The following BCL2 variants were observed in gnomAD, a reference collection of about 807,000 sequenced individuals.
BCL2 encodes apoptosis regulator Bcl-2.
Under a neutral mutation model 14.2 loss-of-function variants are expected in BCL2, and 1 was observed. The observed-to-expected ratio is 0.07, with a 90% CI of 0.02 to 0.33. The LOEUF (loss-of-function observed/expected upper bound fraction) is 0.33, where lower values mean the gene tolerates loss of function less well. Ranked by LOEUF, BCL2 falls within the 10% of genes least tolerant of loss-of-function variation. The probability of loss-of-function intolerance (pLI) is 0.99; values close to 1 mark genes in which losing one functional copy is unlikely to be tolerated. For missense variants in BCL2, 247 were observed against 305.9 expected, an observed-to-expected ratio of 0.81 and a Z score of 1.44; for synonymous variants, 151 against 137.2, an observed-to-expected ratio of 1.10 and a Z score of -0.70.
rs1163112806 is a variant in BCL2 at position 63,254,554 on chromosome 18, TA to T, written c.585+63527del. The stretch of plus-strand genomic sequence containing the variant: ...TGGGCAACAGAGCAAGACCCTGCCT[TA>T]AAAAAAAAAAATGGAATTCCTTCTT... On this transcript the variant is annotated intron_variant, in intron 2 of 2. Transcript: ENST00000333681. Among the ~76,000 whole-genome samples the T allele has an allele frequency of 8.7e-3, 1,269 of 145,902 alleles. 17 individuals carry two copies. Among genetic ancestry groups the T allele is most frequent in the African/African-American group, 0.025 (1,013 of 39,976 alleles).
intron 2 of BCL2, chr18:63,302,841 G>C: frequency 1.0e-6 from 1 of 985,310 alleles, no homozygotes; most frequent in Non-Finnish European, 1.2e-6. Flanking sequence ...AATAACACAA[G>C]GGCATCCTGT....
chr18:63,266,675 A>G (rs78335519), intron 2 of BCL2, among the ~76,000 whole-genome samples: 1 of 151,028 alleles, frequency 6.6e-6, no homozygotes, highest in Non-Finnish European at 1.5e-5. Flanking sequence ...ATATATTTAT[A>G]CTACATACAA....
At chr18:63,300,009 A>C (rs577343984) in intron 2 of BCL2, among the ~76,000 whole-genome samples, 1 of 152,284 alleles carries the variant, frequency 6.6e-6, no homozygotes, top group African/African-American at 2.4e-5. Context: ...GGCACAAAGA[A>C]TGTGGAACAA....
intron 2 of BCL2, among the ~76,000 whole-genome samples, chr18:63,300,014 G>T (rs1317276305): frequency 2.0e-5 from 3 of 152,070 alleles, no homozygotes; most frequent in African/African-American, 4.8e-5. Flanking sequence ...AAAGAATGTG[G>T]AACAAACAAA....
intron 2 of BCL2, among the ~76,000 whole-genome samples, chr18:63,305,650 A>C (rs1342916755): frequency 6.6e-6 from 1 of 152,216 alleles, no homozygotes; most frequent in African/African-American, 2.4e-5. Flanking sequence ...ACTGCCTTTC[A>C]TAATTGAATT....
At chr18:63,190,604 C>T (rs1196164678) in intron 2 of BCL2, among the ~76,000 whole-genome samples, 3 of 152,220 alleles carry the variant, frequency 2.0e-5, no homozygotes, top group Admixed American at 6.5e-5. Context: ...AGGGATTCTC[C>T]CTTCCTGAGG....
chr18:63,210,098 C>G (rs1909958736), intron 2 of BCL2, among the ~76,000 whole-genome samples: 1 of 152,120 alleles, frequency 6.6e-6, no homozygotes, highest in Non-Finnish European at 1.5e-5. Context: ...CTTGAGGAAG[C>G]TAAAGACATG....
At chr18:63,219,650 A>G (rs574743826) in intron 2 of BCL2, among the ~76,000 whole-genome samples, 3 of 152,026 alleles carry the variant, frequency 2.0e-5, no homozygotes, top group Admixed American at 1.3e-4. Flanking sequence ...ACCAGCCACC[A>G]TTGTCTTCCA....
intron 2 of BCL2, among the ~76,000 whole-genome samples, chr18:63,170,096 C>T (rs772068172): frequency 6.6e-6 from 1 of 152,090 alleles, no homozygotes; most frequent in Non-Finnish European, 1.5e-5. Flanking sequence ...CACTGCATGA[C>T]CTTGCGCAAG....
At chr18:63,176,952 C>T (rs1428246627) in intron 2 of BCL2, among the ~76,000 whole-genome samples, 2 of 151,248 alleles carry the variant, frequency 1.3e-5, no homozygotes, top group Non-Finnish European at 2.9e-5. Context: ...GTCTCACTCC[C>T]ATCTTCTGGG....
intron 2 of BCL2, among the ~76,000 whole-genome samples, chr18:63,148,114 C>T (rs1009725): frequency 2.0e-5 from 3 of 152,180 alleles, no homozygotes; most frequent in African/African-American, 7.2e-5. Context: ...CCCGCTCCCC[C>T]CCATTTCAGA....
chr18:63,198,413 GAC>G (rs1217245655), intron 2 of BCL2, among the ~76,000 whole-genome samples: 1 of 118,268 alleles, frequency 8.5e-6, no homozygotes, highest in Non-Finnish European at 1.8e-5. Context: ...GACACACATA[GAC>G]ACAGAGACAC....
chr18:63,165,782 G>A (rs1413076727), intron 2 of BCL2, among the ~76,000 whole-genome samples: 1 of 149,952 alleles, frequency 6.7e-6, no homozygotes, highest in Non-Finnish European at 1.5e-5. Flanking sequence ...TTAGGATCTA[G>A]AGAAGGCTTG....
At chr18:63,147,620 C>T (rs905981623) in intron 2 of BCL2, among the ~76,000 whole-genome samples, 8 of 152,100 alleles carry the variant, frequency 5.3e-5, no homozygotes, top group South Asian at 2.1e-4. Context: ...TTGTAAAGTC[C>T]CAACTATTTC....
chr18:63,246,591 C>T (rs1017806071), intron 2 of BCL2, among the ~76,000 whole-genome samples: 1 of 152,142 alleles, frequency 6.6e-6, no homozygotes, highest in African/African-American at 2.4e-5. Flanking sequence ...TACATCCTAC[C>T]CGCTCCCTCC....
chr18:63,187,817 G>A (rs576470730), intron 2 of BCL2, among the ~76,000 whole-genome samples: 2 of 152,138 alleles, frequency 1.3e-5, no homozygotes, highest in Non-Finnish European at 2.9e-5. Flanking sequence ...TACAGATTAC[G>A]TTACTTGAAT....
Position 63,319,521 on chromosome 18 carries a change from C to G in BCL2, c.-634G>C, listed in dbSNP as rs887354047. The G allele has an allele frequency of 4.8e-5, 11 of 229,080 alleles. No individual in the cohort carries two copies. Among genetic ancestry groups the G allele is most frequent in the Middle Eastern group, 2.6e-3 (2 of 758 alleles). 14.2% of individuals were successfully genotyped at this position (229,080 alleles called of 1,614,324 possible). A position where few individuals can be genotyped will look rare whatever the true frequency, so the allele number is the denominator to read the frequency against. On this transcript the variant is annotated 5_prime_UTR_variant, in exon 1 of 3. Transcript: ENST00000333681. Reference sequence around the variant, plus strand: ...GTTTTCCCCTTCTCGGCAATTTACACGCGCGCACACACGCGCGGGCACAGG... The same window carrying G: ...GTTTTCCCCTTCTCGGCAATTTACAGGCGCGCACACACGCGCGGGCACAGG...
chr18:63,275,775 C>T (rs3810030), intron 2 of BCL2, among the ~76,000 whole-genome samples: 3,757 of 152,316 alleles, frequency 0.025, 101 homozygotes, highest in South Asian at 0.066. Context: ...CAAACCCTGG[C>T]GCAGACTGCA....
chr18:63,214,303 C>G (rs1257200560), intron 2 of BCL2, among the ~76,000 whole-genome samples: 1 of 152,196 alleles, frequency 6.6e-6, no homozygotes, highest in Non-Finnish European at 1.5e-5. Context: ...GACTGTGCCA[C>G]CATCTCTGTA....
Sources: gnomAD v4.1 joint callset for allele counts (sites outside exome capture counted in the v4.1 genomes callset) on GRCh38, gnomAD v4.1.1 for gene constraint, MANE v1.5 for transcripts, NCBI Gene and HGNC (gene_info 2026-07-23, HGNC 2026-07-21) for gene names.